Variants in KCNQ1 observed in about 807,000 individuals in gnomAD.
KCNQ1 encodes potassium voltage-gated channel subfamily KQT member 1.
In KCNQ1, 49 loss-of-function variants were observed where a neutral mutation model predicts 72.4. The observed-to-expected ratio is 0.68, with a 90% CI of 0.54 to 0.86. KCNQ1 has a LOEUF of 0.86. KCNQ1 is among the 40% of genes least tolerant of loss of function. The pLI, the probability that KCNQ1 is intolerant of heterozygous loss-of-function variation, is 0.00. For missense variants in KCNQ1, 790 were observed against 945.1 expected (o/e 0.84, Z 2.15); for synonymous variants, 450 against 412.6 (o/e 1.09, Z -1.10).
At chr11:2,733,858 C>CTCTCTCTCTCTCTCT (rs1424662505) in intron 11 of KCNQ1, among the ~76,000 whole-genome samples, 1 of 12,854 alleles carries the variant, frequency 7.8e-5, no homozygotes, top group Admixed American at 4.9e-4. Flanking sequence ...TCTCTCTCTC[C>CTCTCTCTCTCTCTCT]CCCCCCACTT....
intron 15 of KCNQ1, among the ~76,000 whole-genome samples, chr11:2,807,452 C>T (rs1847401934): frequency 6.6e-6 from 1 of 152,216 alleles, no homozygotes; most frequent in Non-Finnish European, 1.5e-5. Context: ...TCCTCGCCCC[C>T]CCACTCCGGG....
In KCNQ1 at chr11:2,663,092, C is replaced by T. The variant is rs1849998579; in HGVS notation, c.1514+1011C>T. On this transcript the variant is annotated intron_variant, in intron 11 of 15. Transcript: ENST00000155840. The surrounding 1 kb of genome is among the most constrained non-coding windows in gnomAD (Gnocchi z 5.2). ...TGGGTAGCCAGAATGAGGCCACCTC[C>T]AGGGAAGGAGTGGCTATCTTAAGGG... The T allele has an allele frequency of 2.5e-6, 1 of 398,700 alleles. No homozygotes were observed. The highest frequency in any genetic ancestry group is 4.4e-6 in the Non-Finnish European group (1 of 226,130). The allele number at this position is 398,700 out of a possible 1,614,324, so 24.7% of individuals were successfully genotyped here.
Position 2,509,460 on chromosome 11 carries a change from G to A in KCNQ1, c.387-18468G>A, listed in dbSNP as rs1157353850. On this transcript the variant is annotated intron_variant, in intron 1 of 15. Coordinates refer to ENST00000155840, the MANE Select transcript of KCNQ1 (RefSeq NM_000218.3). The surrounding 1 kb of genome is among the most constrained non-coding windows in gnomAD (Gnocchi z 6.3). ...AGGCTGGGTCTGTGCTGTGTGGGGG[G>A]TGTTTGGTGTCCTAGGAGGAGTCTC... 1.3e-5 allele frequency among the ~76,000 whole-genome samples: 2 copies of A among 152,128 alleles called. No individual in the cohort carries two copies. The highest frequency in any genetic ancestry group is 3.9e-4 in the East Asian group (2 of 5,168).
chr11:2,805,727 A>T (rs995952811), intron 15 of KCNQ1, among the ~76,000 whole-genome samples: 6 of 152,352 alleles, frequency 3.9e-5, no homozygotes, highest in Admixed American at 3.9e-4. Flanking sequence ...GAGACGCAAG[A>T]TGCAGAAATG....
At chr11:2,737,450 A>G (rs1005263333) in intron 11 of KCNQ1, among the ~76,000 whole-genome samples, 3 of 152,194 alleles carry the variant, frequency 2.0e-5, no homozygotes, top group Non-Finnish European at 4.4e-5. Context: ...GCAAGGAGTT[A>G]ATTCCTGGCC....
Position 2,559,035 on chromosome 11 carries a change from C to T in KCNQ1, c.478-11593C>T, listed in dbSNP as rs1015184954. Among the ~76,000 whole-genome samples, 1 of 152,124 alleles carries T rather than the reference C, an allele frequency of 6.6e-6. No individual in the cohort carries two copies. The highest frequency in any genetic ancestry group is 6.5e-5 in the Admixed American group (1 of 15,282). On this transcript the variant is annotated intron_variant, in intron 2 of 15. Transcript: ENST00000155840. This position sits in a 1 kb window ranked among gnomAD's most constrained non-coding sequence, Gnocchi z 4.9. ...CTGAGTGACAAATGTCAAGAGTTTG[C>T]AGTTACTCCCAGAGCTACGGACAAG...
intron 2 of KCNQ1, among the ~76,000 whole-genome samples, chr11:2,545,680 T>A (rs1269753187): frequency 6.6e-6 from 1 of 152,172 alleles, no homozygotes; most frequent in Non-Finnish European, 1.5e-5. Flanking sequence ...TTTAGGTGAT[T>A]GATAATTCTA....
At chr11:2,660,890 T>C (rs1849943611) in intron 10 of KCNQ1, 1 of 398,526 alleles carries the variant, frequency 2.5e-6, no homozygotes, top group Non-Finnish European at 4.4e-6. Context: ...CATCATAGTC[T>C]GAATAATTAA....
intron 2 of KCNQ1, 44 bp from the exon 3 acceptor site, chr11:2,570,584 A>G (rs781368619): frequency 1.2e-6 from 2 of 1,608,024 alleles, no homozygotes; most frequent in South Asian, 2.2e-5. Context: ...AAGCCACTCA[A>G]GGCCGAGCCT....
At position 2,617,239 on chromosome 11, in the gene KCNQ1, C is replaced by T; in HGVS notation, c.1393+28385C>T. The stretch of plus-strand genomic sequence containing the variant: ...CATCTTTCCATTTTCTTCCCCCACA[C>T]CTTGCCCATGGTAACCACTAGTTTA... On this transcript the variant is annotated intron_variant, in intron 10 of 15. Transcript: ENST00000155840. This position sits in a 1 kb window ranked among gnomAD's most constrained non-coding sequence, Gnocchi z 4.6. 1 of 398,414 alleles carries T rather than the reference C, an allele frequency of 2.5e-6. No homozygotes were observed. The highest frequency in any genetic ancestry group is 4.4e-6 in the Non-Finnish European group (1 of 225,936). The allele number at this position is 398,414 out of a possible 1,614,324, so 24.7% of individuals were successfully genotyped here. A position where few individuals can be genotyped will look rare whatever the true frequency, so the allele number is the denominator to read the frequency against.
At chr11:2,706,142 G>C (rs1011709257) in intron 11 of KCNQ1, among the ~76,000 whole-genome samples, 1 of 152,314 alleles carries the variant, frequency 6.6e-6, no homozygotes, top group East Asian at 1.9e-4. Flanking sequence ...CCGTTCTTCC[G>C]GAAGTGGCAC....
At chr11:2,760,718 C>A (rs1296573131) in intron 11 of KCNQ1, among the ~76,000 whole-genome samples, 1 of 152,208 alleles carries the variant, frequency 6.6e-6, no homozygotes, top group Non-Finnish European at 1.5e-5. Flanking sequence ...TCCGTCCTGC[C>A]CCCTGTCTCT....
chr11:2,643,615 CTTTT>C (rs1483064364), intron 10 of KCNQ1: 22 of 398,316 alleles, frequency 5.5e-5, no homozygotes, highest in Non-Finnish European at 7.5e-5. Context: ...GCCAGTCTGT[CTTTT>C]AAGTAGAAAG....
chr11:2,633,123 T>A, intron 10 of KCNQ1: 1 of 398,504 alleles, frequency 2.5e-6, no homozygotes, highest in East Asian at 3.6e-5. Context: ...TGAGGTGAAA[T>A]AATGTCTCAC....
In KCNQ1 at chr11:2,808,516, AC is replaced by A. The variant is rs113585185; in HGVS notation, c.1794+30480del. 9.7e-3 allele frequency among the ~76,000 whole-genome samples: 1,477 copies of A among 152,290 alleles called. 17 individuals are homozygous for A. Among genetic ancestry groups the A allele is most frequent in the African/African-American group, 0.034 (1,407 of 41,544 alleles). On this transcript the variant is annotated intron_variant, in intron 15 of 15. Transcript: ENST00000155840. This position sits in a 1 kb window ranked among gnomAD's most constrained non-coding sequence, Gnocchi z 6.0. ...GATGCAGAACTGAGCAGAGAAGAAAACAAAAGAGGACCATAATATCTCCACA... is the reference window on the plus strand; with the variant it reads ...GATGCAGAACTGAGCAGAGAAGAAAAAAAAGAGGACCATAATATCTCCACA...
rs1849171040 is a variant in KCNQ1, at chr11:2,621,444, G to A, written c.1393+32590G>A. The A allele has an allele frequency of 5.0e-6, 2 of 398,426 alleles. No homozygotes were observed. The highest frequency in any genetic ancestry group is 1.3e-4 in the South Asian group (1 of 7,858). 24.7% of individuals were successfully genotyped at this position (398,426 alleles called of 1,614,324 possible). A position where few individuals can be genotyped will look rare whatever the true frequency, so the allele number is the denominator to read the frequency against. ...AAGTTCCTTATGGATTCTGGACATAGGACCTTTGCCAGATGAATAGTTTGC... is the reference window on the plus strand; with the variant it reads ...AAGTTCCTTATGGATTCTGGACATAAGACCTTTGCCAGATGAATAGTTTGC... On this transcript the variant is annotated intron_variant, in intron 10 of 15. Coordinates refer to ENST00000155840, the MANE Select transcript of KCNQ1 (RefSeq NM_000218.3). This position sits in a 1 kb window ranked among gnomAD's most constrained non-coding sequence, Gnocchi z 5.7.
At chr11:2,632,948 C>CA in intron 10 of KCNQ1, 2 of 398,442 alleles carry the variant, frequency 5.0e-6, no homozygotes, top group Non-Finnish European at 8.8e-6. Flanking sequence ...AGTGGATTGT[C>CA]AAACTGTATG....
chr11:2,715,157 TG>T lies in KCNQ1; in HGVS notation c.1514+53077del, dbSNP rs1851071008. On this transcript the variant is annotated intron_variant, in intron 11 of 15. Transcript: ENST00000155840. The surrounding 1 kb of genome is among the most constrained non-coding windows in gnomAD (Gnocchi z 4.9). ...GAGATGCCCCTCACCCATCCTCCCA[TG>T]AACCTCAGCATGGGCACCCCATGCC... Among the ~76,000 whole-genome samples, 1 of 152,096 alleles carries T rather than the reference TG, an allele frequency of 6.6e-6. No homozygotes were observed. The highest frequency in any genetic ancestry group is 2.4e-5 in the African/African-American group (1 of 41,422).
rs957393926 is a variant in KCNQ1 at position 2,493,533 on chromosome 11, G to T, written c.387-34395G>T. Among the ~76,000 whole-genome samples, 6 of 152,294 alleles carry T rather than the reference G, an allele frequency of 3.9e-5. No homozygotes were observed. Among genetic ancestry groups the T allele is most frequent in the African/African-American group, 1.2e-4 (5 of 41,556 alleles). On this transcript the variant is annotated intron_variant, in intron 1 of 15. Transcript: ENST00000155840. The surrounding 1 kb of genome is among the most constrained non-coding windows in gnomAD (Gnocchi z 5.3). ...TCTTGAGTTAATTTTTATATAAGTT[G>T]TAAGGAAGGGGTCCAGTTTCTGTTT...
Sources: gnomAD v4.1 joint callset for allele counts (sites outside exome capture counted in the v4.1 genomes callset) on GRCh38, gnomAD v4.1.1 for gene constraint, Gnocchi (gnomAD v3.1) non-coding constraint, MANE v1.5 for transcripts, NCBI Gene and HGNC (gene_info 2026-07-23, HGNC 2026-07-21) for gene names.